Variants in EBF1 observed in about 807,000 individuals in gnomAD.
The protein encoded by EBF1 is transcription factor COE1.
A neutral mutation model predicts 68.4 loss-of-function variants in EBF1; 10 were observed. That is an observed-to-expected ratio of 0.15 (90% CI 0.09 to 0.25). EBF1 has a LOEUF of 0.25. Ranked by LOEUF, EBF1 falls within the 10% of genes least tolerant of loss-of-function variation. EBF1 has a pLI of 1.00. For synonymous variants in EBF1, 298 were observed against 299.8 expected (o/e 0.99, Z 0.06); for missense variants, 509 against 794.4 (o/e 0.64, Z 4.32).
intron 6 of EBF1, among the ~76,000 whole-genome samples, chr5:158,881,039 G>A (rs1798801392): frequency 6.6e-6 from 1 of 152,168 alleles, no homozygotes; most frequent in South Asian, 2.1e-4. Flanking sequence ...ACAGTAAAGA[G>A]AGGAAGGTTC....
intron 6 of EBF1, among the ~76,000 whole-genome samples, chr5:159,039,589 C>T (rs1002464259): frequency 1.3e-5 from 2 of 152,270 alleles, no homozygotes; most frequent in Non-Finnish European, 2.9e-5. Flanking sequence ...AACAGGAAAG[C>T]CAGTTGTTAA....
chr5:159,008,071 A>G (rs915542278), intron 6 of EBF1, among the ~76,000 whole-genome samples: 1 of 152,226 alleles, frequency 6.6e-6, no homozygotes. Flanking sequence ...ACTACTCTTC[A>G]ATACTATTTC....
intron 8 of EBF1, 57 bp from the exon 9 acceptor site, chr5:158,796,532 A>G: frequency 7.9e-6 from 12 of 1,521,802 alleles, no homozygotes; most frequent in Non-Finnish European, 1.1e-5. Flanking sequence ...CCAAACTTTA[A>G]TGATGAAGAC....
chr5:159,099,557 A>G lies in EBF1; in HGVS notation c.-79T>C, dbSNP rs1359325367. 2.4e-5 allele frequency: 33 copies of G among 1,377,940 alleles called. No individual in the cohort carries two copies. In the East Asian group the frequency reaches 7.0e-4, roughly 29 times the overall value. 85.4% of individuals were successfully genotyped at this position (1,377,940 alleles called of 1,614,324 possible). ...AAAAAAAAAAGGAAAGAAAAGAAAG[A>G]AAAGAAAAGAAACAAAAACGCCAAC... On this transcript the variant is annotated 5_prime_UTR_variant, in exon 1 of 16. Coordinates refer to ENST00000313708, the MANE Select transcript of EBF1 (RefSeq NM_024007.5).
At chr5:158,966,529 G>C (rs548952637) in intron 6 of EBF1, among the ~76,000 whole-genome samples, 10 of 152,256 alleles carry the variant, frequency 6.6e-5, no homozygotes, top group African/African-American at 1.7e-4. Flanking sequence ...GGCTCACAGA[G>C]AGAAATATCA....
intron 6 of EBF1, among the ~76,000 whole-genome samples, chr5:158,918,107 G>C (rs140096652): frequency 6.6e-6 from 1 of 152,180 alleles, no homozygotes; most frequent in Non-Finnish European, 1.5e-5. Flanking sequence ...TTATTTGCAG[G>C]CTTTCTCTAT....
chr5:158,908,240 A>G (rs1171303619), intron 6 of EBF1, among the ~76,000 whole-genome samples: 1 of 152,286 alleles, frequency 6.6e-6, no homozygotes, highest in East Asian at 1.9e-4. Context: ...ACACCCATAC[A>G]TGCATTTTTT....
intron 6 of EBF1, among the ~76,000 whole-genome samples, chr5:158,990,928 T>C (rs574117781): frequency 2.0e-4 from 31 of 152,296 alleles, no homozygotes; most frequent in African/African-American, 6.3e-4. Context: ...CATGGGCCAA[T>C]TGATAACAAA....
At chr5:158,886,756 A>G (rs930155196) in intron 6 of EBF1, among the ~76,000 whole-genome samples, 1 of 152,248 alleles carries the variant, frequency 6.6e-6, no homozygotes, top group African/African-American at 2.4e-5. Context: ...TCATGCCTGT[A>G]ATCCCAGCAC....
intron 6 of EBF1, among the ~76,000 whole-genome samples, chr5:158,978,112 C>T (rs1012706418): frequency 6.6e-5 from 10 of 152,318 alleles, no homozygotes; most frequent in South Asian, 2.1e-4. Context: ...TGGGCCTTGG[C>T]CATACAGGGG....
intron 8 of EBF1, among the ~76,000 whole-genome samples, chr5:158,798,423 C>G (rs1779969980): frequency 6.6e-6 from 1 of 151,992 alleles, no homozygotes; most frequent in Non-Finnish European, 1.5e-5. Flanking sequence ...TTTTTAATCA[C>G]ACACACATAT....
At chr5:158,922,961 GAAGT>G (rs1227813316) in intron 6 of EBF1, among the ~76,000 whole-genome samples, 20 of 152,336 alleles carry the variant, frequency 1.3e-4, no homozygotes, top group Admixed American at 9.1e-4. Flanking sequence ...TGCAAAGTAA[GAAGT>G]AAGTGGCTAA....
intron 9 of EBF1, among the ~76,000 whole-genome samples, chr5:158,786,895 A>G (rs1454308854): frequency 1.3e-5 from 2 of 152,200 alleles, no homozygotes; most frequent in African/African-American, 4.8e-5. Flanking sequence ...TTTCACCAAA[A>G]GACTTGTAGA....
chr5:158,996,185 A>T (rs1761383818), intron 6 of EBF1, among the ~76,000 whole-genome samples: 1 of 152,216 alleles, frequency 6.6e-6, no homozygotes, highest in Non-Finnish European at 1.5e-5. Context: ...TCTGATGATC[A>T]TGCTGATTTA....
At chr5:158,864,712 A>G (rs1582696031) in intron 6 of EBF1, among the ~76,000 whole-genome samples, 1 of 152,302 alleles carries the variant, frequency 6.6e-6, no homozygotes, top group Non-Finnish European at 1.5e-5. Context: ...GAAAGGGGAG[A>G]AGAGAAGATC....
intron 6 of EBF1, among the ~76,000 whole-genome samples, chr5:158,880,450 T>C (rs1403001105): frequency 6.6e-6 from 1 of 152,200 alleles, no homozygotes; most frequent in Non-Finnish European, 1.5e-5. Context: ...TTAGGTAAGA[T>C]GCACACTGTC....
chr5:158,922,544 T>C (rs1304471620), intron 6 of EBF1, among the ~76,000 whole-genome samples: 1 of 152,222 alleles, frequency 6.6e-6, no homozygotes, highest in Non-Finnish European at 1.5e-5. Flanking sequence ...ACTCTAGAAA[T>C]TAGCACATTC....
intron 6 of EBF1, among the ~76,000 whole-genome samples, chr5:158,888,152 G>A (rs997700114): frequency 1.1e-4 from 16 of 152,092 alleles, no homozygotes; most frequent in Non-Finnish European, 1.9e-4. Context: ...CGCCACAAAA[G>A]GCAACATATA....
intron 10 of EBF1, among the ~76,000 whole-genome samples, chr5:158,776,870 G>A (rs1253382296): frequency 6.6e-6 from 1 of 152,144 alleles, no homozygotes; most frequent in Admixed American, 6.6e-5. Flanking sequence ...CTGTCTGATG[G>A]GAGGGAATTC....
Sources: allele counts gnomAD v4.1 joint callset (sites outside exome capture counted in the v4.1 genomes callset), GRCh38; gene constraint gnomAD v4.1.1; transcripts MANE v1.5; gene names NCBI Gene and HGNC (gene_info 2026-07-23, HGNC 2026-07-21).